TMC2: variants seen among roughly 807,000 people sequenced by gnomAD.
The protein encoded by TMC2 is transmembrane channel like 2.
Under a neutral mutation model 105.9 loss-of-function variants are expected in TMC2, and 102 were observed. The observed-to-expected ratio is 0.96, with a 90% CI of 0.82 to 1.14. The LOEUF (loss-of-function observed/expected upper bound fraction) is 1.14. Ranked by LOEUF, TMC2 falls within the 50% of genes most tolerant of loss-of-function variation. TMC2 has a pLI of 0.00. For synonymous variants in TMC2, 402 were observed against 422.8 expected, an observed-to-expected ratio of 0.95 and a Z score of 0.60; for missense variants, 1,093 against 1,134.3, an observed-to-expected ratio of 0.96 and a Z score of 0.52.
chr20:2,570,116 C>A (rs994951853), intron 4 of TMC2, among the ~76,000 whole-genome samples: 1 of 152,054 alleles, frequency 6.6e-6, no homozygotes, highest in African/African-American at 2.4e-5. Flanking sequence ...CAACATAGTA[C>A]TGGAAGTCTT....
intron 5 of TMC2, among the ~76,000 whole-genome samples, chr20:2,576,006 G>T (rs1032731297): frequency 4.6e-5 from 7 of 152,056 alleles, no homozygotes; most frequent in Non-Finnish European, 8.8e-5. Flanking sequence ...TAGAATTTAT[G>T]TATGTATCTT....
chr20:2,589,017 TA>T (rs2086249706), intron 7 of TMC2, among the ~76,000 whole-genome samples: 1 of 152,178 alleles, frequency 6.6e-6, no homozygotes, highest in South Asian at 2.1e-4. Flanking sequence ...AAACTTATTT[TA>T]AAGCTCATGA....
At chr20:2,637,623 C>A in intron 19 of TMC2, 32 bp downstream of exon 19, 1 of 1,470,976 alleles carries the variant, frequency 6.8e-7, no homozygotes, top group Non-Finnish European at 9.5e-7. Context: ...TTATGTTTTA[C>A]AAGGCCACAT....
At chr20:2,548,432 G>A (rs1489531571) in intron 2 of TMC2, among the ~76,000 whole-genome samples, 1 of 152,066 alleles carries the variant, frequency 6.6e-6, no homozygotes, top group Non-Finnish European at 1.5e-5. Context: ...CGAGATCGGG[G>A]GTTCGAGACG....
At chr20:2,611,780 G>T (rs1460342108) in intron 12 of TMC2, among the ~76,000 whole-genome samples, 2 of 151,216 alleles carry the variant, frequency 1.3e-5, no homozygotes, top group Non-Finnish European at 2.9e-5. Context: ...AGAGAATAAT[G>T]AATGACTGGA....
chr20:2,608,049 C>A (rs1312532110), intron 11 of TMC2, among the ~76,000 whole-genome samples: 1 of 151,088 alleles, frequency 6.6e-6, no homozygotes, highest in Non-Finnish European at 1.5e-5. Context: ...GCTTGAATCC[C>A]AGAGGCGGAG....
intron 10 of TMC2, 84 bp from the exon 11 acceptor site, chr20:2,602,029 A>G: frequency 6.9e-6 from 6 of 864,848 alleles, no homozygotes; most frequent in Non-Finnish European, 1.1e-5. Flanking sequence ...GAAATATAGA[A>G]AGTACTATTT....
intron 11 of TMC2, among the ~76,000 whole-genome samples, chr20:2,605,318 A>G (rs997951813): frequency 2.0e-5 from 3 of 152,284 alleles, no homozygotes; most frequent in Admixed American, 1.3e-4. Flanking sequence ...AGTACCACAG[A>G]CTGAGTAGCT....
intron 19 of TMC2, among the ~76,000 whole-genome samples, chr20:2,638,930 C>G (rs373765485): frequency 6.6e-6 from 1 of 152,100 alleles, no homozygotes; most frequent in East Asian, 1.9e-4. Flanking sequence ...GAGTCTCACT[C>G]TGTCACCCAG....
Position 2,643,235 on chromosome 20 carries a change from C to T in TMC2, c.*1884C>T, listed in dbSNP as rs116597774. ...TGTCATATGCCTTCCCCCAAGCTAACCTACCTGAAACCTCAGTACAGGGAT... is the reference window on the plus strand; with the variant it reads ...TGTCATATGCCTTCCCCCAAGCTAATCTACCTGAAACCTCAGTACAGGGAT... On this transcript the variant is annotated 3_prime_UTR_variant, in exon 20 of 20. Coordinates refer to ENST00000358864, the MANE Select transcript of TMC2 (RefSeq NM_080751.3). Among the ~76,000 whole-genome samples the T allele has an allele frequency of 0.014, 2,112 of 152,264 alleles. 35 individuals carry two copies. The highest frequency in any genetic ancestry group is 0.044 in the Middle Eastern group (13 of 294).
intron 2 of TMC2, 40 bp downstream of exon 2, chr20:2,537,356 C>T (rs904860393): frequency 1.1e-5 from 16 of 1,522,398 alleles, no homozygotes; most frequent in Non-Finnish European, 1.4e-5. Context: ...GCCTGCAGTG[C>T]CTGGGTGCCC....
intron 19 of TMC2, among the ~76,000 whole-genome samples, chr20:2,639,219 T>C (rs113523550): frequency 3.9e-5 from 6 of 152,110 alleles, no homozygotes; most frequent in African/African-American, 1.4e-4. Flanking sequence ...GTAAATTGAG[T>C]GTAACCTAAG....
At position 2,562,101 on chromosome 20, in the gene TMC2, G is replaced by T. The variant is rs4815323; in HGVS notation, c.554+91G>T. On this transcript the variant is annotated intron_variant, in intron 4 of 19. Coordinates refer to ENST00000358864, the MANE Select transcript of TMC2 (RefSeq NM_080751.3). ...CCCTCCCTCCACATTTCCCCAAAGG[G>T]GCTTGATGTGAGGGGGCTGCTCCAG... 626,992 of 1,448,782 alleles carry T rather than the reference G, an allele frequency of 0.43. 139,890 individuals carry two copies. Among genetic ancestry groups the T allele is most frequent in the South Asian group, 0.53 (38,264 of 71,604 alleles). The allele number at this position is 1,448,782 out of a possible 1,614,324, so 89.7% of individuals were successfully genotyped here.
chr20:2,638,110 C>T (rs778988006), intron 19 of TMC2, among the ~76,000 whole-genome samples: 5 of 151,672 alleles, frequency 3.3e-5, no homozygotes, highest in Admixed American at 6.6e-5. Flanking sequence ...GGGAGGCCGA[C>T]GCGGGCGGAT....
At position 2,559,986 on chromosome 20, in the gene TMC2, C is replaced by T. The variant is rs115865292; in HGVS notation, c.401+1212C>T. 5.3e-3 allele frequency among the ~76,000 whole-genome samples: 814 copies of T among 152,268 alleles called. 10 individuals carry two copies. Among genetic ancestry groups the T allele is most frequent in the African/African-American group, 0.019 (769 of 41,540 alleles). ...ACATTCAGTTCCCGTTGCCTAGATACTGACAGTGTGGCAGAGGAGATAACA... is the reference window on the plus strand; with the variant it reads ...ACATTCAGTTCCCGTTGCCTAGATATTGACAGTGTGGCAGAGGAGATAACA... On this transcript the variant is annotated intron_variant, in intron 3 of 19. Transcript: ENST00000358864.
chr20:2,633,120 G>T (rs748104779), intron 17 of TMC2, among the ~76,000 whole-genome samples: 2 of 152,222 alleles, frequency 1.3e-5, no homozygotes, highest in Non-Finnish European at 2.9e-5. Flanking sequence ...GACACCTACT[G>T]ACTGGAAAGA....
At chr20:2,568,067 A>T (rs1320132467) in intron 4 of TMC2, among the ~76,000 whole-genome samples, 3 of 152,164 alleles carry the variant, frequency 2.0e-5, no homozygotes, top group Non-Finnish European at 4.4e-5. Context: ...AAAGGATGAG[A>T]CTGAAAAAGT....
intron 3 of TMC2, among the ~76,000 whole-genome samples, chr20:2,559,798 A>AGG (rs1053072459): frequency 7.9e-5 from 12 of 152,150 alleles, no homozygotes; most frequent in African/African-American, 2.9e-4. Flanking sequence ...AAAGAGGTAA[A>AGG]GGGTGCATCG....
intron 2 of TMC2, among the ~76,000 whole-genome samples, chr20:2,539,667 T>A (rs1326148326): frequency 6.6e-6 from 1 of 152,154 alleles, no homozygotes; most frequent in Non-Finnish European, 1.5e-5. Flanking sequence ...CTCTTAGGGG[T>A]CATGGCTGTG....
Sources: allele counts gnomAD v4.1 joint callset (sites outside exome capture counted in the v4.1 genomes callset), GRCh38; gene constraint gnomAD v4.1.1; transcripts MANE v1.5; gene names NCBI Gene and HGNC (gene_info 2026-07-23, HGNC 2026-07-21).